NCOA3: variants seen among roughly 807,000 people sequenced by gnomAD.
NCOA3 encodes the protein CBP-interacting protein.
Under a neutral mutation model 158.8 loss-of-function variants are expected in NCOA3, and 51 were observed. The ratio of observed to expected loss-of-function variants is 0.32; its 90% CI spans 0.26 to 0.41. The LOEUF (loss-of-function observed/expected upper bound fraction) is 0.41. Ranked by LOEUF, NCOA3 falls within the 10% of genes least tolerant of loss-of-function variation. The pLI is 1.00. For synonymous variants in NCOA3, 537 were observed against 592.4 expected (o/e 0.91, Z 1.36); for missense variants, 1,510 against 1,746.6 (o/e 0.86, Z 2.41).
intron 1 of NCOA3, among the ~76,000 whole-genome samples, chr20:47,502,297 C>T (rs2083945854): frequency 6.6e-6 from 1 of 152,168 alleles, no homozygotes. Flanking sequence ...GCGGAGGGGT[C>T]ACCCGAGGAG....
intron 1 of NCOA3, among the ~76,000 whole-genome samples, chr20:47,512,381 C>T (rs780775460): frequency 9.2e-5 from 14 of 151,612 alleles, no homozygotes; most frequent in Non-Finnish European, 2.1e-4. Context: ...CCATCCTGGC[C>T]AACATGGTGA....
intron 2 of NCOA3, among the ~76,000 whole-genome samples, chr20:47,613,891 G>A (rs1248039237): frequency 4.7e-5 from 7 of 150,370 alleles, no homozygotes; most frequent in Non-Finnish European, 1.0e-4. Context: ...GGGCGACAGA[G>A]CAAGACTCTG....
At chr20:47,570,672 A>C (rs1476451574) in intron 1 of NCOA3, among the ~76,000 whole-genome samples, 5 of 152,066 alleles carry the variant, frequency 3.3e-5, no homozygotes, top group Non-Finnish European at 5.9e-5. Flanking sequence ...TGAATCAGAA[A>C]TGTTCTTAAT....
chr20:47,555,722 T>C, intron 1 of NCOA3, among the ~76,000 whole-genome samples: 1 of 137,226 alleles, frequency 7.3e-6, no homozygotes, highest in Non-Finnish European at 1.5e-5. Flanking sequence ...CACTGCAAGC[T>C]CCGCCTCCCA....
chr20:47,609,456 A>G (rs2086009062), intron 2 of NCOA3, among the ~76,000 whole-genome samples: 2 of 152,226 alleles, frequency 1.3e-5, no homozygotes, highest in African/African-American at 4.8e-5. Flanking sequence ...AGACATGGAT[A>G]GGCAGGTTTT....
At chr20:47,540,704 T>C (rs1219906367) in intron 1 of NCOA3, among the ~76,000 whole-genome samples, 1 of 152,132 alleles carries the variant, frequency 6.6e-6, no homozygotes, top group East Asian at 1.9e-4. Flanking sequence ...TTTGGGGAGA[T>C]GAGAACTAAA....
intron 1 of NCOA3, among the ~76,000 whole-genome samples, chr20:47,540,710 C>A (rs1436875059): frequency 6.6e-6 from 1 of 151,960 alleles, no homozygotes; most frequent in Non-Finnish European, 1.5e-5. Context: ...GAGATGAGAA[C>A]TAAACATGAA....
chr20:47,575,764 T>C (rs1195092532), intron 1 of NCOA3, among the ~76,000 whole-genome samples: 1 of 152,226 alleles, frequency 6.6e-6, no homozygotes, highest in Non-Finnish European at 1.5e-5. Flanking sequence ...TTCAACTACC[T>C]ATTGTGTCAA....
At chr20:47,578,860 A>G (rs960495479) in intron 1 of NCOA3, among the ~76,000 whole-genome samples, 8 of 149,908 alleles carry the variant, frequency 5.3e-5, no homozygotes, top group East Asian at 1.9e-4. Flanking sequence ...GGAAAGAACA[A>G]TGGGTTTAAT....
At chr20:47,524,982 G>A (rs2084404474) in intron 1 of NCOA3, among the ~76,000 whole-genome samples, 1 of 150,494 alleles carries the variant, frequency 6.6e-6, no homozygotes, top group African/African-American at 2.4e-5. Flanking sequence ...TTCTCGCAGA[G>A]GGGGATTTGG....
intron 2 of NCOA3, among the ~76,000 whole-genome samples, chr20:47,584,367 C>G (rs6090699): frequency 0.017 from 2,582 of 152,208 alleles, 76 homozygotes; most frequent in African/African-American, 0.059. Flanking sequence ...TGCCTGTAAT[C>G]CCAGCACTTT....
intron 2 of NCOA3, among the ~76,000 whole-genome samples, chr20:47,605,950 G>T (rs574282357): frequency 7.9e-4 from 120 of 152,262 alleles, no homozygotes; most frequent in African/African-American, 2.6e-3. Flanking sequence ...AGATACTAAA[G>T]CATCTGTTTA....
chr20:47,546,657 G>A (rs1040364996), intron 1 of NCOA3, among the ~76,000 whole-genome samples: 1 of 151,532 alleles, frequency 6.6e-6, no homozygotes, highest in Non-Finnish European at 1.5e-5. Context: ...TCAGCCTCTC[G>A]AGTTGCTGGG....
intron 1 of NCOA3, among the ~76,000 whole-genome samples, chr20:47,515,858 T>C (rs2084226091): frequency 6.6e-6 from 1 of 152,192 alleles, no homozygotes; most frequent in African/African-American, 2.4e-5. Flanking sequence ...TATTCAGTAC[T>C]AAAAAGAAAT....
intron 2 of NCOA3, among the ~76,000 whole-genome samples, chr20:47,597,744 C>T (rs1300081336): frequency 1.3e-5 from 2 of 151,264 alleles, no homozygotes; most frequent in East Asian, 4.0e-4. Context: ...CGGCCTCGGC[C>T]TCCCAAAGTG....
At chr20:47,604,246 A>G (rs1476589064) in intron 2 of NCOA3, among the ~76,000 whole-genome samples, 1 of 152,152 alleles carries the variant, frequency 6.6e-6, no homozygotes, top group Non-Finnish European at 1.5e-5. Context: ...TGTAAAGGTG[A>G]TGGATGTGCA....
intron 22 of NCOA3, 111 bp from the exon 23 acceptor site, chr20:47,653,294 CA>C: frequency 7.4e-7 from 1 of 1,346,742 alleles, no homozygotes; most frequent in African/African-American, 1.5e-5. Context: ...CTGAATCACT[CA>C]GCCAGAGCTG....
chr20:47,592,994 TG>T (rs1351328334), intron 2 of NCOA3, among the ~76,000 whole-genome samples: 4 of 152,158 alleles, frequency 2.6e-5, no homozygotes, highest in African/African-American at 9.7e-5. Context: ...AGTGCAGTAG[TG>T]TGATCTCCTC....
In NCOA3 at chr20:47,656,430, AGAG is replaced by A. The variant is rs2086875755; in HGVS notation, c.*3015_*3017del. ...TGATGTCCTAGAAGTTCTTTGATCC[AGAG>A]GTGGGTGCAGCTGAAAGTAAACAGA... On this transcript the variant is annotated 3_prime_UTR_variant, in exon 23 of 23. Coordinates refer to ENST00000371998, the MANE Select transcript of NCOA3 (RefSeq NM_181659.3). 1 of 152,228 alleles carries A rather than the reference AGAG, an allele frequency of 6.6e-6. No individual in the cohort carries two copies. Among genetic ancestry groups the A allele is most frequent in the Admixed American group, 6.5e-5 (1 of 15,276 alleles). The allele number at this position is 152,228 out of a possible 1,614,324, so 9.4% of individuals were successfully genotyped here.
Sources: allele counts gnomAD v4.1 joint callset (sites outside exome capture counted in the v4.1 genomes callset), GRCh38; gene constraint gnomAD v4.1.1; transcripts MANE v1.5; gene names NCBI Gene and HGNC (gene_info 2026-07-23, HGNC 2026-07-21).